The following ANO3 variants were observed in gnomAD, a reference collection of about 807,000 sequenced individuals.
The protein encoded by ANO3 is anoctamin 3.
Under a neutral mutation model 144.8 loss-of-function variants are expected in ANO3, and 99 were observed. The ratio of observed to expected loss-of-function variants is 0.68; its 90% confidence interval spans 0.58 to 0.81. The LOEUF (loss-of-function observed/expected upper bound fraction) is 0.81. Among genes scored for constraint, ANO3 ranks in the 30% least tolerant of loss-of-function variants. The pLI is 0.00. For synonymous variants in ANO3, 414 were observed against 392.6 expected, an observed-to-expected ratio of 1.05 and a Z score of -0.64; for missense variants, 905 against 1,202.2, an observed-to-expected ratio of 0.75 and a Z score of 3.66.
At chr11:26,190,779 C>T (rs1851459306) in intron 1 of ANO3, among the ~76,000 whole-genome samples, 1 of 152,156 alleles carries the variant, frequency 6.6e-6, no homozygotes, top group South Asian at 2.1e-4. Context: ...TCCAGAGATG[C>T]ATACTATGAA....
At chr11:26,473,683 G>A (rs1309507942) in intron 4 of ANO3, among the ~76,000 whole-genome samples, 8 of 151,846 alleles carry the variant, frequency 5.3e-5, no homozygotes, top group African/African-American at 1.9e-4. Flanking sequence ...AATCTGCCCA[G>A]CTCAAATGGC....
At chr11:26,261,791 T>C (rs1326543359) in intron 1 of ANO3, among the ~76,000 whole-genome samples, 1 of 152,220 alleles carries the variant, frequency 6.6e-6, no homozygotes, top group Non-Finnish European at 1.5e-5. Flanking sequence ...CTTAGCTTTG[T>C]AAAAGGAGGT....
chr11:26,197,943 G>A (rs1216137652), intron 1 of ANO3, among the ~76,000 whole-genome samples: 1 of 152,060 alleles, frequency 6.6e-6, no homozygotes, highest in African/African-American at 2.4e-5. Context: ...TCTCACTCAA[G>A]CCCACCTGTG....
At chr11:26,263,996 A>G (rs2133829836) in intron 1 of ANO3, among the ~76,000 whole-genome samples, 1 of 152,358 alleles carries the variant, frequency 6.6e-6, no homozygotes, top group African/African-American at 2.4e-5. Flanking sequence ...CCATGTAATC[A>G]CATTAGTTCT....
intron 7 of ANO3, among the ~76,000 whole-genome samples, chr11:26,530,262 A>G (rs566478058): frequency 3.3e-5 from 5 of 152,334 alleles, no homozygotes; most frequent in Admixed American, 6.5e-5. Flanking sequence ...GTACAAGTTT[A>G]CGTGGCTAGC....
intron 3 of ANO3, among the ~76,000 whole-genome samples, chr11:26,461,255 A>G (rs898484579): frequency 2.0e-5 from 3 of 152,246 alleles, no homozygotes; most frequent in South Asian, 4.1e-4. Flanking sequence ...CTCCAAGAAT[A>G]TAACTCCAAA....
intron 17 of ANO3, among the ~76,000 whole-genome samples, chr11:26,622,714 T>C (rs1031283013): frequency 3.9e-5 from 6 of 152,226 alleles, no homozygotes; most frequent in African/African-American, 1.4e-4. Context: ...TGCTCAGTCG[T>C]GTTGTCTCAC....
At chr11:26,246,739 G>A (rs558342675) in intron 1 of ANO3, among the ~76,000 whole-genome samples, 21 of 152,046 alleles carry the variant, frequency 1.4e-4, no homozygotes, top group African/African-American at 4.8e-4. Flanking sequence ...ATTGAGTCAT[G>A]GGGGTGGGTT....
rs1184133523 is a variant in ANO3 at position 26,544,261 on chromosome 11, T to C, written c.1154+2193T>C. ...TAGTATTTCATTATACATATATATA[T>C]ATATATATATATACACACATACACA... On this transcript the variant is annotated intron_variant, in intron 11 of 26. Transcript: ENST00000256737. Among the ~76,000 whole-genome samples the C allele has an allele frequency of 1.4e-4, 11 of 81,326 alleles. No individual in the cohort carries two copies. The South Asian group carries it at 3.1e-3, about 23-fold the overall frequency. The allele number at this position is 81,326 out of a possible 152,430, so 53.4% of individuals were successfully genotyped here.
At chr11:26,229,401 T>C (rs570525317) in intron 1 of ANO3, among the ~76,000 whole-genome samples, 1 of 152,354 alleles carries the variant, frequency 6.6e-6, no homozygotes, top group Non-Finnish European at 1.5e-5. Flanking sequence ...TCAAGTCATA[T>C]ACTTCAGCAA....
rs10835039 is a variant in ANO3, at chr11:26,641,737, T to C, written c.2142-159T>C. 0.38 allele frequency among the ~76,000 whole-genome samples: 57,360 copies of C among 151,914 alleles called. 11,689 individuals are homozygous for C. Among genetic ancestry groups the C allele is most frequent in the South Asian group, 0.49 (2,338 of 4,812 alleles). ...TAAGATATTTAAGCTTTCAAAATGTTTTTTTAACTTTTTTAAAAAACTTTT... is the reference window on the plus strand; with the variant it reads ...TAAGATATTTAAGCTTTCAAAATGTCTTTTTAACTTTTTTAAAAAACTTTT... On this transcript the variant is annotated intron_variant, in intron 21 of 26. Transcript: ENST00000256737.
intron 1 of ANO3, among the ~76,000 whole-genome samples, chr11:26,267,398 A>C (rs1398796795): frequency 6.6e-6 from 1 of 152,220 alleles, no homozygotes. Flanking sequence ...TTACATGTCA[A>C]GTATTTCCTT....
At chr11:26,447,674 T>C (rs530095004) in intron 3 of ANO3, among the ~76,000 whole-genome samples, 6 of 152,342 alleles carry the variant, frequency 3.9e-5, no homozygotes, top group African/African-American at 1.4e-4. Context: ...TTGATTTTTT[T>C]TTTGTTTTCT....
intron 14 of ANO3, 59 bp from the exon 15 acceptor site, chr11:26,598,306 A>G: frequency 1.2e-6 from 1 of 850,936 alleles, no homozygotes; most frequent in Non-Finnish European, 1.7e-6. Flanking sequence ...TCTCAATATA[A>G]AGAAGAAAAG....
intron 1 of ANO3, among the ~76,000 whole-genome samples, chr11:26,383,736 A>T (rs1856646414): frequency 6.6e-6 from 1 of 152,150 alleles, no homozygotes; most frequent in Non-Finnish European, 1.5e-5. Context: ...TATGTTCATT[A>T]TGCAATATTT....
chr11:26,355,057 T>A (rs962627306), intron 1 of ANO3, among the ~76,000 whole-genome samples: 2 of 151,866 alleles, frequency 1.3e-5, no homozygotes, highest in African/African-American at 4.8e-5. Flanking sequence ...CTTATCTGTC[T>A]CATTCTGCTC....
chr11:26,460,600 G>A (rs1294810876), intron 3 of ANO3, among the ~76,000 whole-genome samples: 3 of 152,056 alleles, frequency 2.0e-5, no homozygotes, highest in Non-Finnish European at 2.9e-5. Context: ...CTTCATAAAT[G>A]TGGTGGTATT....
chr11:26,377,114 A>G (rs75964312), intron 1 of ANO3, among the ~76,000 whole-genome samples: 129 of 152,236 alleles, frequency 8.5e-4, no homozygotes, highest in African/African-American at 3.0e-3. Flanking sequence ...AAACAAAAAT[A>G]TCCTGGAGAA....
intron 1 of ANO3, among the ~76,000 whole-genome samples, chr11:26,416,042 T>C (rs1184648096): frequency 1.3e-5 from 2 of 152,086 alleles, no homozygotes; most frequent in Non-Finnish European, 1.5e-5. Flanking sequence ...TTTTAGTCAT[T>C]AGCAATTGTT....
Sources: allele counts gnomAD v4.1 joint callset (sites outside exome capture counted in the v4.1 genomes callset), GRCh38; gene constraint gnomAD v4.1.1; transcripts MANE v1.5; gene names NCBI Gene and HGNC (gene_info 2026-07-23, HGNC 2026-07-21).